KLRC1: variants seen among roughly 807,000 people sequenced by gnomAD.
KLRC1 encodes killer cell lectin like receptor C1.
In KLRC1, 22 loss-of-function variants were observed where a neutral mutation model predicts 25.9. That is an observed-to-expected ratio of 0.85 (90% CI 0.61 to 1.21). The LOEUF (loss-of-function observed/expected upper bound fraction) is 1.21, where lower values mean the gene tolerates loss of function less well. Ranked by LOEUF, KLRC1 falls within the 50% of genes most tolerant of loss-of-function variation. The pLI is 0.00. For missense variants in KLRC1, 240 were observed against 272.2 expected, an observed-to-expected ratio of 0.88 and a Z score of 0.83; for synonymous variants, 77 against 93.1, an observed-to-expected ratio of 0.83 and a Z score of 0.99.
chr12:10,453,208 C>T lies in KLRC1; in HGVS notation c.-42G>A. ...AGTAGCAATACATACCTTCTGTCCC[C>T]AGAAAGTCACACATCCTTTAGTGGA... On this transcript the variant is annotated 5_prime_UTR_variant, in exon 1 of 7. Transcript: ENST00000359151. 1 of 985,238 alleles carries T rather than the reference C, an allele frequency of 1.0e-6. No homozygotes were observed. Among genetic ancestry groups the T allele is most frequent in the South Asian group, 4.7e-5 (1 of 21,278 alleles). 61.0% of individuals were successfully genotyped at this position (985,238 alleles called of 1,614,324 possible).
chr12:10,446,802 T>C (rs1237519361), intron 6 of KLRC1, 140 bp from the exon 7 acceptor site: 1 of 1,092,692 alleles, frequency 9.2e-7, no homozygotes, highest in East Asian at 2.6e-5. Flanking sequence ...AGAGTCATTA[T>C]TCTGAACACT....
At chr12:10,448,997 T>C (rs1000255643) in intron 5 of KLRC1, among the ~76,000 whole-genome samples, 2 of 152,166 alleles carry the variant, frequency 1.3e-5, no homozygotes, top group African/African-American at 4.8e-5. Context: ...CAAAATGTAT[T>C]GTGGATTGAA....
At chr12:10,454,089 C>G (rs1864170446), upstream of KLRC1, among the ~76,000 whole-genome samples, 1 of 152,212 alleles carries the variant, frequency 6.6e-6, no homozygotes, top group Non-Finnish European at 1.5e-5. Flanking sequence ...AAACTGAAGT[C>G]AAACTATGTA....
Position 10,447,515 on chromosome 12 carries a change from C to A in KLRC1, c.590+17G>T. Reference sequence around the variant, plus strand: ...TTATATATATATTGTTATATAGCGCCATACAAAACAACTTACTCATGTTTG... The same window carrying A: ...TTATATATATATTGTTATATAGCGCAATACAAAACAACTTACTCATGTTTG... On this transcript the variant is annotated intron_variant, in intron 6 of 6. Transcript: ENST00000359151. 1 of 1,566,434 alleles carries A rather than the reference C, an allele frequency of 6.4e-7. No homozygotes were observed. Among genetic ancestry groups the A allele is most frequent in the South Asian group, 1.1e-5 (1 of 87,848 alleles).
intron 1 of KLRC1, among the ~76,000 whole-genome samples, chr12:10,451,941 A>T (rs2253722): frequency 0.99 from 149,836 of 151,944 alleles, 73,906 homozygotes; most frequent in Middle Eastern, 1. Flanking sequence ...ATTACTTTTA[A>T]TTAGTAATTT....
chr12:10,453,459 C>G (rs1421417972), upstream of KLRC1: 1 of 586,874 alleles, frequency 1.7e-6, no homozygotes, highest in African/African-American at 2.0e-5. Context: ...TCAGTTTTAT[C>G]TCATCACACA....
Position 10,447,519 on chromosome 12 carries a change from C to G in KLRC1, c.590+13G>C, listed in dbSNP as rs375023899. On this transcript the variant is annotated intron_variant, in intron 6 of 6. Transcript: ENST00000359151. ...ATATATATTGTTATATAGCGCCATA[C>G]AAAACAACTTACTCATGTTTGAAAG... 3.2e-5 allele frequency: 51 copies of G among 1,593,054 alleles called. No homozygotes were observed. In the African/African-American group the frequency reaches 5.1e-4, roughly 16 times the overall value.
rs1320961043 is a variant in KLRC1, at chr12:10,451,007, CTGAGAAGCT to C, written c.141_149del (p.Ala48_Gln50del). The C allele has an allele frequency of 1.2e-6, 2 of 1,613,162 alleles. No homozygotes were observed. The highest frequency in any genetic ancestry group is 2.2e-5 in the South Asian group (2 of 90,866). On this transcript the variant is annotated inframe_deletion, in exon 2 of 7. Transcript: ENST00000359151. ...AGGTTTTGTCATTCCCTTGAAAATC[CTGAGAAGCT>C]TTTTGAAGGTTTAATTCCGCATAGG...
At chr12:10,444,616 A>C (rs184000343), downstream of KLRC1, among the ~76,000 whole-genome samples, 5 of 152,354 alleles carry the variant, frequency 3.3e-5, no homozygotes, top group Admixed American at 2.6e-4. Flanking sequence ...AACGCAGTGC[A>C]TCAAATAGAA....
chr12:10,442,976 G>T (rs1476101946), downstream of KLRC1, among the ~76,000 whole-genome samples: 2 of 89,386 alleles, frequency 2.2e-5, no homozygotes, highest in Non-Finnish European at 2.3e-5. Context: ...GTAGAAGGAT[G>T]GTTACCAGAG....
In KLRC1 at chr12:10,451,121, A is replaced by C; in HGVS notation, c.36T>G (p.Asn12Lys). ...GCTGCCTCTTTGGGTTTGGGGGCAG[A>C]TTCAGGTCTGAGTAGATTACTCCTT... Reference protein sequence around the residue: ...DNQGVIYSDLNLPPNPKRQQR... With the variant: ...DNQGVIYSDLKLPPNPKRQQR... Residue 12 changes from asparagine to lysine, a missense_variant, in exon 2 of 7, where the codon AAT becomes AAG. Transcript: ENST00000359151. The C allele has an allele frequency of 8.7e-6, 14 of 1,613,984 alleles. No individual in the cohort carries two copies. Among genetic ancestry groups the C allele is most frequent in the Non-Finnish European group, 1.1e-5 (13 of 1,179,968 alleles).
At chr12:10,450,249 A>G in intron 3 of KLRC1, 1 of 470,054 alleles carries the variant, frequency 2.1e-6, no homozygotes, top group Non-Finnish European at 3.7e-6. Flanking sequence ...AGACTCCTAG[A>G]ACATATTTTT....
At chr12:10,452,829 T>C (rs767503838) in intron 1 of KLRC1, among the ~76,000 whole-genome samples, 1 of 152,216 alleles carries the variant, frequency 6.6e-6, no homozygotes, top group African/African-American at 2.4e-5. Context: ...CTTTCATCAA[T>C]TGATTGATTT....
chr12:10,447,598 A>G lies in KLRC1; in HGVS notation c.524T>C (p.Ile175Thr), dbSNP rs1202849690. 6 of 1,607,406 alleles carry G rather than the reference A, an allele frequency of 3.7e-6. No individual in the cohort carries two copies. Among genetic ancestry groups the G allele is most frequent in the Non-Finnish European group, 5.1e-6 (6 of 1,176,746 alleles). Reference protein sequence around the residue: ...FLSIISPSSWIGVFRNSSHHP... With the variant: ...FLSIISPSSWTGVFRNSSHHP... ...ATGACTGCTGTTACGAAACACACCAATCCATGAGGATGGTGAAATGATGGA... is the reference window on the plus strand; with the variant it reads ...ATGACTGCTGTTACGAAACACACCAGTCCATGAGGATGGTGAAATGATGGA... Residue 175 changes from isoleucine to threonine, a missense_variant, in exon 6 of 7, where the codon ATT becomes ACT. Physicochemically the swap from Ile to Thr is moderately conservative, Grantham distance 89 (BLOSUM62 -1). Transcript: ENST00000359151.
At chr12:10,445,777 TAAC>T (rs1863972538), downstream of KLRC1, among the ~76,000 whole-genome samples, 1 of 152,062 alleles carries the variant, frequency 6.6e-6, no homozygotes, top group African/African-American at 2.4e-5. Context: ...TTTCTATTTA[TAAC>T]AACAAAAATT....
At chr12:10,446,940 A>G (rs36077309) in intron 6 of KLRC1, among the ~76,000 whole-genome samples, 42 of 152,338 alleles carry the variant, frequency 2.8e-4, no homozygotes, top group African/African-American at 1.0e-3. Flanking sequence ...CTGTGATAAA[A>G]TTTAATTTAT....
intron 5 of KLRC1, among the ~76,000 whole-genome samples, chr12:10,448,005 G>A (rs566435788): frequency 6.6e-6 from 1 of 152,250 alleles, no homozygotes; most frequent in East Asian, 1.9e-4. Flanking sequence ...AGAAATAAAT[G>A]ACATGGAAGC....
intron 5 of KLRC1, among the ~76,000 whole-genome samples, chr12:10,449,018 G>A (rs1034370218): frequency 3.9e-5 from 6 of 152,248 alleles, no homozygotes; most frequent in East Asian, 1.9e-4. Flanking sequence ...AGCATTTCTA[G>A]AAGCATGGTT....
rs1864098557 is a variant in KLRC1 at position 10,450,451 on chromosome 12, A to G, written c.283+33T>C. 3 of 1,226,194 alleles carry G rather than the reference A, an allele frequency of 2.4e-6. No individual in the cohort carries two copies. In the South Asian group the frequency reaches 3.8e-5, roughly 15 times the overall value. The allele number at this position is 1,226,194 out of a possible 1,614,324, so 76.0% of individuals were successfully genotyped here. A position where few individuals can be genotyped will look rare whatever the true frequency, so the allele number is the denominator to read the frequency against. ...AGGCACATTCAATCATTAACGTGAA[A>G]ATTCCCCTTGTAATCTTCGAAAATA... On this transcript the variant is annotated intron_variant, in intron 3 of 6. Coordinates refer to ENST00000359151, the MANE Select transcript of KLRC1 (RefSeq NM_002259.5).
Sources: gnomAD v4.1 joint callset for allele counts (sites outside exome capture counted in the v4.1 genomes callset) on GRCh38, gnomAD v4.1.1 for gene constraint, MANE v1.5 for transcripts, NCBI Gene and HGNC (gene_info 2026-07-23, HGNC 2026-07-21) for gene names.